EFNA2: variants seen among roughly 807,000 people sequenced by gnomAD.
EFNA2 encodes the protein ephrin A2.
Under a neutral mutation model 19.7 loss-of-function variants are expected in EFNA2, and 18 were observed. That is an observed-to-expected ratio of 0.91 (90% CI 0.63 to 1.35). EFNA2 has a LOEUF of 1.35. EFNA2 is among the 40% of genes most tolerant of loss of function. The pLI is 0.00. For synonymous variants in EFNA2, 187 were observed against 137.8 expected (o/e 1.36, Z -2.50); for missense variants, 303 against 296.0 (o/e 1.02, Z -0.17).
intron 1 of EFNA2, among the ~76,000 whole-genome samples, chr19:1,289,503 G>A (rs1199667765): frequency 6.6e-6 from 1 of 152,180 alleles, no homozygotes; most frequent in African/African-American, 2.4e-5. Context: ...CCTGGGGACG[G>A]GACCAGGGCC....
At position 1,298,458 on chromosome 19, in the gene EFNA2, T is replaced by G. The variant is rs2081525711; in HGVS notation, c.455-93T>G. 23 of 1,338,122 alleles carry G rather than the reference T, an allele frequency of 1.7e-5. No homozygotes were observed. The South Asian group carries it at 2.6e-4, about 15-fold the overall frequency. The allele number at this position is 1,338,122 out of a possible 1,614,324, so 82.9% of individuals were successfully genotyped here. A position where few individuals can be genotyped will look rare whatever the true frequency, so the allele number is the denominator to read the frequency against. ...GGTGGCTCTCCACCTGGGGTCAGGG[T>G]TGATTCACCAAGGTGGGGAAGGGAG... On this transcript the variant is annotated intron_variant, in intron 2 of 3. Transcript: ENST00000215368.
Position 1,294,526 on chromosome 19 carries a change from G to A in EFNA2, c.141-1019G>A, listed in dbSNP as rs374437318. On this transcript the variant is annotated intron_variant, in intron 1 of 3. Transcript: ENST00000215368. This position sits in a 1 kb window ranked among gnomAD's most constrained non-coding sequence, Gnocchi z 5.8. ...AGGAGGCCGCCGGATTCCGGGGCTCGGGGCTCGGGAGGTTTCTGGGTTCCA... is the reference window on the plus strand; with the variant it reads ...AGGAGGCCGCCGGATTCCGGGGCTCAGGGCTCGGGAGGTTTCTGGGTTCCA... Among the ~76,000 whole-genome samples the A allele has an allele frequency of 4.0e-5, 6 of 151,856 alleles. No homozygotes were observed. Among genetic ancestry groups the A allele is most frequent in the East Asian group, 1.9e-4 (1 of 5,154 alleles).
chr19:1,293,445 C>T (rs957086265), intron 1 of EFNA2, among the ~76,000 whole-genome samples: 15 of 152,232 alleles, frequency 9.9e-5, no homozygotes, highest in African/African-American at 3.1e-4. Context: ...TCTGTGCGGA[C>T]GCACCCCGAG....
chr19:1,299,267 A>C (rs1011520008), intron 3 of EFNA2, among the ~76,000 whole-genome samples: 4 of 151,910 alleles, frequency 2.6e-5, no homozygotes, highest in South Asian at 2.1e-4. Context: ...AATAAAAATA[A>C]AAACAGAGTG....
chr19:1,292,744 C>T (rs964312850), intron 1 of EFNA2, among the ~76,000 whole-genome samples: 2 of 152,224 alleles, frequency 1.3e-5, no homozygotes, highest in South Asian at 2.1e-4. Flanking sequence ...GGCTCTGAGC[C>T]GCCGCCAACG....
In EFNA2 at chr19:1,299,846, T is replaced by A; in HGVS notation, c.543T>A (p.Pro181=). The stretch of plus-strand genomic sequence containing the variant: ...CAGACGAGACCCTGTACGAGGCTCC[T>A]GAGCCCATCTTCACCAGCAATAACT... ...RPTNETLYEA[P]EPIFTSNNSC... Residue 181 remains proline (P), a synonymous_variant, in exon 4 of 4, where the codon CCT becomes CCA. Coordinates refer to ENST00000215368, the MANE Select transcript of EFNA2 (RefSeq NM_001405.4). 6.2e-7 allele frequency: 1 copy of A among 1,603,844 alleles called. No homozygotes were observed. Among genetic ancestry groups the A allele is most frequent in the Non-Finnish European group, 8.5e-7 (1 of 1,177,644 alleles).
intron 1 of EFNA2, among the ~76,000 whole-genome samples, chr19:1,292,832 C>T (rs1568865110): frequency 6.6e-6 from 1 of 152,220 alleles, no homozygotes; most frequent in Non-Finnish European, 1.5e-5. Context: ...TCACCGCAGC[C>T]TGGAGGGGCC....
chr19:1,286,968 G>C lies in EFNA2; in HGVS notation c.140+660G>C, dbSNP rs1411947910. Among the ~76,000 whole-genome samples, 1 of 152,222 alleles carries C rather than the reference G, an allele frequency of 6.6e-6. No individual in the cohort carries two copies. Among genetic ancestry groups the C allele is most frequent in the Non-Finnish European group, 1.5e-5 (1 of 68,032 alleles). On this transcript the variant is annotated intron_variant, in intron 1 of 3. Transcript: ENST00000215368. This position sits in a 1 kb window ranked among gnomAD's most constrained non-coding sequence, Gnocchi z 5.6. Reference sequence around the variant, plus strand: ...CTCTGGGCGCTGACCAGGAAACTGAGGTGCAGAGGGGATGAGGAGCTGGCT... The same window carrying C: ...CTCTGGGCGCTGACCAGGAAACTGACGTGCAGAGGGGATGAGGAGCTGGCT...
At chr19:1,299,198 A>G (rs1285105469) in intron 3 of EFNA2, among the ~76,000 whole-genome samples, 1 of 152,136 alleles carries the variant, frequency 6.6e-6, no homozygotes, top group Non-Finnish European at 1.5e-5. Context: ...AGATTGCGCC[A>G]CTGCTCTCCA....
chr19:1,296,814 G>A lies in EFNA2; in HGVS notation c.454+956G>A, dbSNP rs534182602. Among the ~76,000 whole-genome samples the A allele has an allele frequency of 2.8e-4, 42 of 152,328 alleles. 1 individual carries two copies. The highest frequency in any genetic ancestry group is 6.8e-3 in the Middle Eastern group (2 of 294). On this transcript the variant is annotated intron_variant, in intron 2 of 3. Coordinates refer to ENST00000215368, the MANE Select transcript of EFNA2 (RefSeq NM_001405.4). The surrounding 1 kb of genome is among the most constrained non-coding windows in gnomAD (Gnocchi z 4.4). Reference sequence around the variant, plus strand: ...CCGTGGGGTCTTCATCTGAAGGTTGGGTGGCGGCAGCCTTGGGGATAGTCA... The same window carrying A: ...CCGTGGGGTCTTCATCTGAAGGTTGAGTGGCGGCAGCCTTGGGGATAGTCA...
Position 1,295,411 on chromosome 19 carries a change from G to A in EFNA2, c.141-134G>A, listed in dbSNP as rs1471364125. On this transcript the variant is annotated intron_variant, in intron 1 of 3. Transcript: ENST00000215368. This position sits in a 1 kb window ranked among gnomAD's most constrained non-coding sequence, Gnocchi z 5.8. ...ACCCTGACCCGTCCCCCGTGCTCCT[G>A]ACCCCGGCCCTCGCCGCGCACCCCG... 2.2e-6 allele frequency: 2 copies of A among 898,962 alleles called. No individual in the cohort carries two copies. The highest frequency in any genetic ancestry group is 3.3e-5 in the Admixed American group (1 of 30,398). 55.7% of individuals were successfully genotyped at this position (898,962 alleles called of 1,614,324 possible). A position where few individuals can be genotyped will look rare whatever the true frequency, so the allele number is the denominator to read the frequency against.
At chr19:1,290,798 G>A (rs1293683649) in intron 1 of EFNA2, among the ~76,000 whole-genome samples, 2 of 152,176 alleles carry the variant, frequency 1.3e-5, no homozygotes, top group Non-Finnish European at 2.9e-5. Flanking sequence ...CCACCGTCCC[G>A]TCGCCCCAGA....
In EFNA2 at chr19:1,297,968, A is replaced by G. The variant is rs973181160; in HGVS notation, c.455-583A>G. On this transcript the variant is annotated intron_variant, in intron 2 of 3. Transcript: ENST00000215368. This position sits in a 1 kb window ranked among gnomAD's most constrained non-coding sequence, Gnocchi z 5.0. ...ACATTTGTAATCCTGTTTACTTGGGAGGCTGAGGCAGGAGAATTGCTTGAA... is the reference window on the plus strand; with the variant it reads ...ACATTTGTAATCCTGTTTACTTGGGGGGCTGAGGCAGGAGAATTGCTTGAA... Among the ~76,000 whole-genome samples the G allele has an allele frequency of 7.0e-6, 1 of 143,728 alleles. No individual in the cohort carries two copies. Among genetic ancestry groups the G allele is most frequent in the Non-Finnish European group, 1.5e-5 (1 of 66,438 alleles). 94.3% of individuals were successfully genotyped at this position (143,728 alleles called of 152,430 possible). A position where few individuals can be genotyped will look rare whatever the true frequency, so the allele number is the denominator to read the frequency against.
chr19:1,292,370 A>G lies in EFNA2; in HGVS notation c.141-3175A>G, dbSNP rs561551879. ...ACACACCTGTGGGCTGCTCCCCACA[A>G]CTCTGGCATTGCAAAGTCCTCGCCT... On this transcript the variant is annotated intron_variant, in intron 1 of 3. Transcript: ENST00000215368. Among the ~76,000 whole-genome samples the G allele has an allele frequency of 4.6e-5, 7 of 152,284 alleles. No homozygotes were observed. The South Asian group carries it at 1.4e-3, about 32-fold the overall frequency.
chr19:1,293,219 G>C (rs561226922), intron 1 of EFNA2, among the ~76,000 whole-genome samples: 143 of 152,364 alleles, frequency 9.4e-4, no homozygotes, highest in Middle Eastern at 3.4e-3. Context: ...CTGGGCCTTG[G>C]CTACCATCGA....
rs556977374 is a variant in EFNA2, at chr19:1,289,361, G to A, written c.140+3053G>A. On this transcript the variant is annotated intron_variant, in intron 1 of 3. Coordinates refer to ENST00000215368, the MANE Select transcript of EFNA2 (RefSeq NM_001405.4). Reference sequence around the variant, plus strand: ...AGTGCAGGTGTGTGTGCGTGTCTGCGTGTGGGGTGCATGTAAGTGTGTCTC... The same window carrying A: ...AGTGCAGGTGTGTGTGCGTGTCTGCATGTGGGGTGCATGTAAGTGTGTCTC... 1.4e-4 allele frequency among the ~76,000 whole-genome samples: 22 copies of A among 152,358 alleles called. No homozygotes were observed. The East Asian group carries it at 3.5e-3, about 24-fold the overall frequency.
chr19:1,294,196 T>C lies in EFNA2; in HGVS notation c.141-1349T>C, dbSNP rs986271006. Among the ~76,000 whole-genome samples the C allele has an allele frequency of 2.0e-5, 3 of 152,184 alleles. No homozygotes were observed. The highest frequency in any genetic ancestry group is 4.4e-5 in the Non-Finnish European group (3 of 68,016). Reference sequence around the variant, plus strand: ...CTCCCTGTTCAGGTCTTTTATGTGCTAATAAGCCCCTCTCAGGGCCCCCCT... The same window carrying C: ...CTCCCTGTTCAGGTCTTTTATGTGCCAATAAGCCCCTCTCAGGGCCCCCCT... On this transcript the variant is annotated intron_variant, in intron 1 of 3. Transcript: ENST00000215368. The surrounding 1 kb of genome is among the most constrained non-coding windows in gnomAD (Gnocchi z 5.8).
rs1158796173 is a variant in EFNA2, at chr19:1,296,122, C to T, written c.454+264C>T. The stretch of plus-strand genomic sequence containing the variant: ...ACTGACCCCCTCCAGATGTCAAGTG[C>T]ATGATGGACGTGCCATTCTCCCAAC... On this transcript the variant is annotated intron_variant, in intron 2 of 3. Transcript: ENST00000215368. The surrounding 1 kb of genome is among the most constrained non-coding windows in gnomAD (Gnocchi z 4.4). Among the ~76,000 whole-genome samples, 2 of 152,216 alleles carry T rather than the reference C, an allele frequency of 1.3e-5. No homozygotes were observed. The highest frequency in any genetic ancestry group is 2.9e-5 in the Non-Finnish European group (2 of 68,032).
chr19:1,288,345 G>T (rs927133478), intron 1 of EFNA2, among the ~76,000 whole-genome samples: 3 of 152,202 alleles, frequency 2.0e-5, no homozygotes, highest in African/African-American at 7.2e-5. Context: ...AGGGGGTGGT[G>T]CTGGGCCTCC....
Sources: gnomAD v4.1 joint callset for allele counts (sites outside exome capture counted in the v4.1 genomes callset) on GRCh38, gnomAD v4.1.1 for gene constraint, Gnocchi (gnomAD v3.1) non-coding constraint, MANE v1.5 for transcripts, NCBI Gene and HGNC (gene_info 2026-07-23, HGNC 2026-07-21) for gene names.